Variants in PARD3B observed in about 807,000 individuals in gnomAD.
PARD3B encodes partitioning defective 3 homolog B.
In PARD3B, 103 loss-of-function variants were observed where a neutral mutation model predicts 130.2. That is an observed-to-expected ratio of 0.79 (90% CI 0.67 to 0.93). PARD3B has a LOEUF of 0.93. Ranked by LOEUF, PARD3B falls within the 40% of genes least tolerant of loss-of-function variation. The pLI is 0.00. For missense variants in PARD3B, 1,609 were observed against 1,499.2 expected, an observed-to-expected ratio of 1.07 and a Z score of -1.21; for synonymous variants, 583 against 553.2, an observed-to-expected ratio of 1.05 and a Z score of -0.76.
chr2:205,438,778 G>T (rs757373475), intron 19 of PARD3B, among the ~76,000 whole-genome samples: 1 of 152,134 alleles, frequency 6.6e-6, no homozygotes, highest in East Asian at 1.9e-4. Flanking sequence ...TCAAGTTGCC[G>T]TATGCAAAAA....
At chr2:205,224,320 G>A (rs2038408694) in intron 15 of PARD3B, among the ~76,000 whole-genome samples, 1 of 118,264 alleles carries the variant, frequency 8.5e-6, no homozygotes, top group Non-Finnish European at 1.6e-5. Flanking sequence ...GCAGTGAGCG[G>A]AGACAGCACC....
chr2:205,541,693 G>A (rs111517149), intron 21 of PARD3B, among the ~76,000 whole-genome samples: 5 of 151,046 alleles, frequency 3.3e-5, no homozygotes, highest in South Asian at 2.1e-4. Context: ...TTTTCCCTTC[G>A]TGGCAATGAG....
chr2:205,401,029 G>A lies in PARD3B; in HGVS notation c.2647G>A (p.Glu883Lys), dbSNP rs2046233966. 1 of 1,599,288 alleles carries A rather than the reference G, an allele frequency of 6.3e-7. No individual in the cohort carries two copies. The highest frequency in any genetic ancestry group is 1.7e-5 in the Admixed American group (1 of 58,170). ...TTTCACTAGATTTGGAAAGAAGAAA[G>A]AGGATAAGGGTGGAAAGGCTGAGCA... The part of the protein sequence containing the change: ...GAMLRFGKKK[E>K]DKGGKAEQKG... Residue 883 changes from glutamate to lysine, a missense_variant, in exon 19 of 23, where the codon GAG becomes AAG. Glu to Lys is a moderately conservative substitution (Grantham distance 56). Coordinates refer to ENST00000406610, the MANE Select transcript of PARD3B (RefSeq NM_001302769.2).
intron 16 of PARD3B, among the ~76,000 whole-genome samples, chr2:205,285,561 A>T (rs554599423): frequency 1.3e-5 from 2 of 152,186 alleles, no homozygotes; most frequent in East Asian, 3.9e-4. Context: ...CTCTCTGTTC[A>T]ACCTCATTCC....
chr2:204,633,403 A>G (rs2034757860), intron 1 of PARD3B, among the ~76,000 whole-genome samples: 3 of 152,222 alleles, frequency 2.0e-5, no homozygotes. Context: ...ATGTATCGCT[A>G]AAAGATGAGG....
intron 2 of PARD3B, among the ~76,000 whole-genome samples, chr2:204,896,053 T>G (rs890898478): frequency 1.3e-5 from 2 of 152,200 alleles, no homozygotes; most frequent in African/African-American, 4.8e-5. Context: ...GGTTTTGGAA[T>G]GTACAGGTTC....
intron 2 of PARD3B, among the ~76,000 whole-genome samples, chr2:204,742,028 C>T (rs2040031554): frequency 6.6e-6 from 1 of 152,110 alleles, no homozygotes; most frequent in Non-Finnish European, 1.5e-5. Context: ...GATCTACTTA[C>T]TCAGAAGCTC....
At chr2:204,713,767 C>T (rs1477675080) in intron 2 of PARD3B, among the ~76,000 whole-genome samples, 1 of 152,022 alleles carries the variant, frequency 6.6e-6, no homozygotes, top group Non-Finnish European at 1.5e-5. Flanking sequence ...GAATAATAGT[C>T]CTCTCTCTAT....
At chr2:205,365,330 A>G (rs1231917523) in intron 18 of PARD3B, among the ~76,000 whole-genome samples, 2 of 151,686 alleles carry the variant, frequency 1.3e-5, no homozygotes, top group Admixed American at 1.3e-4. Flanking sequence ...AAGATTGCCC[A>G]AGATCGCACC....
rs1184388320 is a variant in PARD3B at position 205,562,922 on chromosome 2, T to C, written c.3260+9519T>C. On this transcript the variant is annotated intron_variant, in intron 22 of 22. Coordinates refer to ENST00000406610, the MANE Select transcript of PARD3B (RefSeq NM_001302769.2). The surrounding 1 kb of genome is among the most constrained non-coding windows in gnomAD (Gnocchi z 5.4). ...GGTTTGCTGTGTATAGGTATCTTAG[T>C]ATCAACCTACTATAGACAGAGACAT... 6.6e-6 allele frequency among the ~76,000 whole-genome samples: 1 copy of C among 152,216 alleles called. No individual in the cohort carries two copies. The highest frequency in any genetic ancestry group is 1.9e-4 in the East Asian group (1 of 5,206).
chr2:205,223,734 T>C (rs7597894), intron 15 of PARD3B, among the ~76,000 whole-genome samples: 125,012 of 152,150 alleles, frequency 0.82, 51,850 homozygotes, highest in East Asian at 0.95. Context: ...AAGGATATTG[T>C]CCTCAGCCAC....
chr2:205,501,917 T>A (rs1460137347), intron 21 of PARD3B, among the ~76,000 whole-genome samples: 1 of 152,096 alleles, frequency 6.6e-6, no homozygotes, highest in East Asian at 1.9e-4. Flanking sequence ...CTAGTTTAAT[T>A]TGTGTTTCCC....
At chr2:205,386,664 TGTTG>T (rs143224884) in intron 18 of PARD3B, among the ~76,000 whole-genome samples, 128,065 of 147,372 alleles carry the variant, frequency 0.87, 55,360 homozygotes, top group East Asian at 0.96. Flanking sequence ...TTTTTTTTTT[TGTTG>T]TTGAAGGATT....
At chr2:205,557,965 AG>A (rs1267866902) in intron 22 of PARD3B, among the ~76,000 whole-genome samples, 1 of 152,114 alleles carries the variant, frequency 6.6e-6, no homozygotes, top group East Asian at 1.9e-4. Flanking sequence ...CACTGTGTGG[AG>A]AAGAGGAAGC....
rs1243267567 is a variant in PARD3B, at chr2:205,281,363, G to A, written c.2186-19167G>A. ...AAGGTGGAGCCAGGGACCAACTCGA[G>A]TGACCCATCTTGTAGGTCCCACACT... On this transcript the variant is annotated intron_variant, in intron 16 of 22. Transcript: ENST00000406610. The surrounding 1 kb of genome is among the most constrained non-coding windows in gnomAD (Gnocchi z 4.2). Among the ~76,000 whole-genome samples, 1 of 152,202 alleles carries A rather than the reference G, an allele frequency of 6.6e-6. No homozygotes were observed. The highest frequency in any genetic ancestry group is 6.5e-5 in the Admixed American group (1 of 15,282).
intron 3 of PARD3B, among the ~76,000 whole-genome samples, chr2:205,028,884 C>T (rs1697225381): frequency 1.3e-5 from 2 of 152,204 alleles, no homozygotes; most frequent in Admixed American, 6.6e-5. Context: ...TATACACTAA[C>T]ATTTAACTAT....
In PARD3B at chr2:204,965,291, A is replaced by G. The variant is rs769111419; in HGVS notation, c.362A>G (p.Glu121Gly). ...GCCGCATTTAAGCCAATTGGTGGGG[A>G]GATTGAAGTAACCCCTTCTGCTCTA... Reference protein sequence around the residue: ...QLAAFKPIGGEIEVTPSALKL... With the variant: ...QLAAFKPIGGGIEVTPSALKL... The change falls in exon 3 of 23, where the codon GAG (glutamate) becomes GGG (glycine). Residue 121 changes from glutamate (E) to glycine (G), a missense_variant. Transcript: ENST00000406610. 6.2e-7 allele frequency: 1 copy of G among 1,613,860 alleles called. No individual in the cohort carries two copies. The highest frequency in any genetic ancestry group is 1.1e-5 in the South Asian group (1 of 91,070).
At chr2:205,030,262 C>T (rs1697324468) in intron 3 of PARD3B, among the ~76,000 whole-genome samples, 2 of 152,090 alleles carry the variant, frequency 1.3e-5, no homozygotes, top group Non-Finnish European at 2.9e-5. Context: ...TCTCACTGTA[C>T]TCTGACTGTT....
chr2:205,301,948 T>C lies in PARD3B; in HGVS notation c.2630+247T>C, dbSNP rs115052553. The C allele has an allele frequency of 0.014, 10,035 of 711,084 alleles. 604 individuals are homozygous for C. In the African/African-American group the frequency reaches 0.14, roughly 10 times the overall value. 44.0% of individuals were successfully genotyped at this position (711,084 alleles called of 1,614,324 possible). On this transcript the variant is annotated intron_variant, in intron 18 of 22. Transcript: ENST00000406610. The surrounding 1 kb of genome is among the most constrained non-coding windows in gnomAD (Gnocchi z 5.2). The stretch of plus-strand genomic sequence containing the variant: ...AAGGTCAACACTATGCCAGGCACGG[T>C]GGCTCATGCCTGTAATCTCAGTACT...
Sources: gnomAD v4.1 joint callset for allele counts (sites outside exome capture counted in the v4.1 genomes callset) on GRCh38, gnomAD v4.1.1 for gene constraint, Gnocchi (gnomAD v3.1) non-coding constraint, MANE v1.5 for transcripts, NCBI Gene and HGNC (gene_info 2026-07-23, HGNC 2026-07-21) for gene names.